Variants in GLRA2 observed in about 807,000 individuals in gnomAD.
The protein encoded by GLRA2 is glycine receptor subunit alpha-2.
In GLRA2, 11 loss-of-function variants were observed where a neutral mutation model predicts 31.6. The ratio of observed to expected loss-of-function variants is 0.35; its 90% CI spans 0.22 to 0.58. GLRA2 has a LOEUF of 0.58. Ranked by LOEUF, GLRA2 falls within the 20% of genes least tolerant of loss-of-function variation. The pLI is 0.84. For synonymous variants in GLRA2, 132 were observed against 134.0 expected (o/e 0.99, Z 0.10); for missense variants, 212 against 351.8 (o/e 0.60, Z 3.18).
the GLRA2 span, among the ~76,000 whole-genome samples, chrX:14,488,259 C>T: frequency 4.5e-5 from 5 of 111,955 alleles, no homozygotes; most frequent in African/African-American, 1.6e-4. Context: ...ATGAGCTGAG[C>T]CAAGATAAAA....
chrX:14,685,092 G>C (rs2091260642), intron 7 of GLRA2, among the ~76,000 whole-genome samples: 1 of 111,739 alleles, frequency 8.9e-6, no homozygotes, highest in African/African-American at 3.3e-5. Context: ...TTTTGTCTTT[G>C]GTTCCATTTA....
At chrX:14,590,790 A>C (rs916354188) in intron 4 of GLRA2, among the ~76,000 whole-genome samples, 1 of 112,481 alleles carries the variant, frequency 8.9e-6, no homozygotes, top group Non-Finnish European at 1.9e-5. Flanking sequence ...ATTGTGACTT[A>C]AGTAATTAAT....
chrX:14,617,553 G>T (rs755417184), intron 7 of GLRA2, among the ~76,000 whole-genome samples: 4 of 111,525 alleles, frequency 3.6e-5, no homozygotes, highest in Non-Finnish European at 5.7e-5. Flanking sequence ...AAAACTAGAG[G>T]CTTAAAAACT....
chrX:14,451,249 C>G, the GLRA2 span, among the ~76,000 whole-genome samples: 2 of 111,179 alleles, frequency 1.8e-5, no homozygotes, highest in Non-Finnish European at 3.8e-5. Context: ...GACTATAAAG[C>G]AACCAGCTAA....
upstream of GLRA2, among the ~76,000 whole-genome samples, chrX:14,525,543 CAT>C (rs770534067): frequency 9.0e-6 from 1 of 111,370 alleles, no homozygotes; most frequent in African/African-American, 3.3e-5. Context: ...TTTTATGTAA[CAT>C]ATGTGTTTAT....
At chrX:14,685,634 T>C (rs1217739493) in intron 7 of GLRA2, among the ~76,000 whole-genome samples, 3 of 111,911 alleles carry the variant, frequency 2.7e-5, no homozygotes, top group African/African-American at 9.7e-5. Flanking sequence ...CTGATGGTAG[T>C]TTGTATTTCT....
chrX:14,557,209 G>C (rs1293892555), intron 2 of GLRA2, among the ~76,000 whole-genome samples: 9 of 97,827 alleles, frequency 9.2e-5, no homozygotes, highest in Admixed American at 2.3e-4. Flanking sequence ...TCCGCCTCCT[G>C]GGTTCACGCC....
chrX:14,469,079 G>T, the GLRA2 span, among the ~76,000 whole-genome samples: 1 of 111,640 alleles, frequency 9.0e-6, no homozygotes, highest in Non-Finnish European at 1.9e-5. Context: ...TTTGTCACAT[G>T]AGTAGGTTGC....
intron 6 of GLRA2, among the ~76,000 whole-genome samples, chrX:14,607,770 G>A (rs1440554720): frequency 1.8e-5 from 2 of 111,143 alleles, no homozygotes; most frequent in African/African-American, 6.5e-5. Flanking sequence ...TAGAAGTTTG[G>A]ATGAAAGTCA....
the GLRA2 span, among the ~76,000 whole-genome samples, chrX:14,450,215 C>A: frequency 8.9e-6 from 1 of 112,215 alleles, no homozygotes; most frequent in Non-Finnish European, 1.9e-5. Flanking sequence ...CTTGGGGATC[C>A]TCCACCCTTG....
chrX:14,493,718 TA>T, the GLRA2 span, among the ~76,000 whole-genome samples: 1 of 96,654 alleles, frequency 1.0e-5, no homozygotes, highest in Non-Finnish European at 2.0e-5. Flanking sequence ...CATGTATACA[TA>T]TATACGTGTA....
chrX:14,490,131 C>T, the GLRA2 span, among the ~76,000 whole-genome samples: 1 of 111,732 alleles, frequency 8.9e-6, no homozygotes, highest in African/African-American at 3.3e-5. Context: ...TCCTTTCTAA[C>T]AATCCTCCCT....
rs765482588 is a variant in GLRA2, at chrX:14,720,715, GT to G, written c.1081-9489del. Among the ~76,000 whole-genome samples the G allele has an allele frequency of 2.5e-3, 278 of 111,951 alleles. 1 individual carries two copies. Among genetic ancestry groups the G allele is most frequent in the African/African-American group, 8.7e-3 (268 of 30,849 alleles). ...TCTTTTTCTATAAGAAGGGGCACTT[GT>G]TTGCCACTGAGTAACCTTTTTAGTC... is the stretch of plus-strand genomic sequence containing the variant. On this transcript the variant is annotated intron_variant, in intron 8 of 8. Transcript: ENST00000218075.
chrX:14,468,675 T>C, the GLRA2 span, among the ~76,000 whole-genome samples: 4 of 112,154 alleles, frequency 3.6e-5, no homozygotes, highest in Admixed American at 3.8e-4. Context: ...TTTGGGTATA[T>C]ACCCAGTAAT....
intron 4 of GLRA2, among the ~76,000 whole-genome samples, chrX:14,588,019 GC>G (rs200304060): frequency 0.011 from 1,209 of 108,168 alleles, 29 homozygotes; most frequent in African/African-American, 0.038. Context: ...TGATTTTCTT[GC>G]CTCAGCCTGC....
chrX:14,459,534 C>T, the GLRA2 span, among the ~76,000 whole-genome samples: 1 of 110,506 alleles, frequency 9.0e-6, no homozygotes, highest in Non-Finnish European at 1.9e-5. Context: ...TTGTTTGTAT[C>T]CTCTTTTATT....
intron 8 of GLRA2, 67 bp downstream of exon 8, chrX:14,690,926 A>T (rs1042219131): frequency 4.6e-6 from 5 of 1,093,353 alleles, no homozygotes; most frequent in Non-Finnish European, 5.0e-6. Flanking sequence ...GTAATTCAGA[A>T]AACAGAAGAG....
intron 7 of GLRA2, among the ~76,000 whole-genome samples, chrX:14,668,017 T>C (rs1178158078): frequency 8.9e-6 from 1 of 112,125 alleles, no homozygotes; most frequent in Non-Finnish European, 1.9e-5. Flanking sequence ...AAATCTCACA[T>C]GATTTCATAG....
At chrX:14,640,284 G>A (rs1427216556) in intron 7 of GLRA2, among the ~76,000 whole-genome samples, 15 of 110,658 alleles carry the variant, frequency 1.4e-4, no homozygotes. Context: ...ACATTACGTG[G>A]TAAACTCATC....
Sources: allele counts gnomAD v4.1 joint callset (sites outside exome capture counted in the v4.1 genomes callset), GRCh38; gene constraint gnomAD v4.1.1; transcripts MANE v1.5; gene names NCBI Gene and HGNC (gene_info 2026-07-23, HGNC 2026-07-21).